The following SNX29 variants were observed in gnomAD, a reference collection of about 807,000 sequenced individuals.
SNX29 encodes sorting nexin 29.
A neutral mutation model predicts 102.1 loss-of-function variants in SNX29; 78 were observed. The ratio of observed to expected loss-of-function variants is 0.76; its 90% CI spans 0.64 to 0.92. The LOEUF (loss-of-function observed/expected upper bound fraction) is 0.92. SNX29 is among the 40% of genes least tolerant of loss of function. SNX29 has a pLI of 0.00. For missense variants in SNX29, 1,280 were observed against 1,061.7 expected (o/e 1.21, Z -2.86); for synonymous variants, 580 against 414.5 (o/e 1.40, Z -4.85).
intron 20 of SNX29, chr16:12,526,625 T>G (rs1167472007): frequency 1.9e-6 from 1 of 532,178 alleles, no homozygotes; most frequent in Non-Finnish European, 3.6e-6. Flanking sequence ...GGCATCCCCA[T>G]GGCCCAGGGT....
At chr16:12,271,173 A>G (rs1327361629) in intron 14 of SNX29, among the ~76,000 whole-genome samples, 2 of 152,258 alleles carry the variant, frequency 1.3e-5, no homozygotes, top group African/African-American at 2.4e-5. Context: ...AACATTTACA[A>G]TCTTTGTGTG....
intron 18 of SNX29, among the ~76,000 whole-genome samples, chr16:12,466,586 A>T (rs916124720): frequency 2.6e-5 from 4 of 152,058 alleles, no homozygotes; most frequent in Admixed American, 2.0e-4. Context: ...AGGGGCCTTC[A>T]TGCCTTGCTT....
chr16:12,506,159 C>T (rs2089368725), intron 19 of SNX29, among the ~76,000 whole-genome samples: 1 of 152,188 alleles, frequency 6.6e-6, no homozygotes, highest in Admixed American at 6.5e-5. Context: ...CGGAGTTTCA[C>T]CATGTTGACC....
At chr16:12,219,044 G>A (rs1374300970) in intron 14 of SNX29, among the ~76,000 whole-genome samples, 1 of 152,170 alleles carries the variant, frequency 6.6e-6, no homozygotes, top group Non-Finnish European at 1.5e-5. Flanking sequence ...AAAGTGCTGG[G>A]ATTACAGGTG....
intron 15 of SNX29, among the ~76,000 whole-genome samples, chr16:12,304,804 A>G (rs1269253379): frequency 6.6e-6 from 1 of 152,266 alleles, no homozygotes; most frequent in East Asian, 1.9e-4. Flanking sequence ...AAGAGAGGAT[A>G]TGAACTATAA....
Position 12,356,281 on chromosome 16 carries a change from T to C in SNX29, c.1899+2T>C, listed in dbSNP as rs1301896855. On this transcript the variant is annotated splice_donor_variant, in intron 16 of 20. Transcript: ENST00000566228. LOFTEE classifies it high-confidence loss of function. ...GAGCTCATCGATCTCCGGGGACCGG[T>C]GAGTGTTTCCCCAACCCTGTGTGTC... is the stretch of plus-strand genomic sequence containing the variant. 8.8e-6 allele frequency: 14 copies of C among 1,594,132 alleles called. No individual in the cohort carries two copies. Among genetic ancestry groups the C allele is most frequent in the Non-Finnish European group, 1.0e-5 (12 of 1,170,944 alleles).
intron 11 of SNX29, among the ~76,000 whole-genome samples, chr16:12,115,086 T>C (rs1174570356): frequency 2.0e-5 from 3 of 152,160 alleles, no homozygotes; most frequent in African/African-American, 7.2e-5. Flanking sequence ...CTGGTTCCTT[T>C]AGTACAGTCA....
At chr16:12,311,281 C>G (rs1458443944) in intron 15 of SNX29, among the ~76,000 whole-genome samples, 1 of 152,134 alleles carries the variant, frequency 6.6e-6, no homozygotes, top group Non-Finnish European at 1.5e-5. Flanking sequence ...GAGTAGAGAT[C>G]TTTCCTACCA....
intron 18 of SNX29, among the ~76,000 whole-genome samples, chr16:12,432,804 G>T (rs2085367339): frequency 6.6e-6 from 1 of 152,266 alleles, no homozygotes; most frequent in African/African-American, 2.4e-5. Context: ...ACAGAATGAA[G>T]TGTAGGGGTG....
chr16:12,519,348 A>G (rs533797905), intron 19 of SNX29, among the ~76,000 whole-genome samples: 2 of 152,228 alleles, frequency 1.3e-5, no homozygotes, highest in Non-Finnish European at 2.9e-5. Context: ...AACCTATTAA[A>G]GAATGGATAA....
intron 20 of SNX29, among the ~76,000 whole-genome samples, chr16:12,548,405 C>T (rs1375912629): frequency 6.6e-6 from 1 of 152,016 alleles, no homozygotes; most frequent in Non-Finnish European, 1.5e-5. Context: ...TCCTTTGTAA[C>T]CTACCTCTGG....
At chr16:12,563,353 C>T (rs1008351095) in intron 20 of SNX29, among the ~76,000 whole-genome samples, 20 of 152,270 alleles carry the variant, frequency 1.3e-4, no homozygotes, top group African/African-American at 4.3e-4. Context: ...TTATCCTGAG[C>T]CTGTCTTTTA....
At chr16:12,504,596 C>G (rs1461253630) in intron 19 of SNX29, among the ~76,000 whole-genome samples, 1 of 152,204 alleles carries the variant, frequency 6.6e-6, no homozygotes, top group Non-Finnish European at 1.5e-5. Flanking sequence ...CAAGGTTTTA[C>G]TTTCTGCAGT....
chr16:12,031,765 A>G (rs1224587409), intron 4 of SNX29, among the ~76,000 whole-genome samples: 1 of 152,108 alleles, frequency 6.6e-6, no homozygotes, highest in Admixed American at 6.6e-5. Flanking sequence ...AGATCGCGCC[A>G]CTGCACTCCA....
Position 12,061,567 on chromosome 16 carries a change from C to G in SNX29, c.1164C>G (p.Ser388Arg), listed in dbSNP as rs2050776297. 3 of 1,610,490 alleles carry G rather than the reference C, an allele frequency of 1.9e-6. No homozygotes were observed. Among genetic ancestry groups the G allele is most frequent in the African/African-American group, 2.7e-5 (2 of 74,876 alleles). The part of the protein sequence containing the change: ...EGNTCLSQMH[S>R]WAPLKVLHND... ...ACACCTGCCTCTCCCAGATGCACAGCTGGGCTCCGCTGAAGGTGCTGCACA... is the reference window on the plus strand; with the variant it reads ...ACACCTGCCTCTCCCAGATGCACAGGTGGGCTCCGCTGAAGGTGCTGCACA... Residue 388 changes from serine to arginine, a missense_variant, in exon 9 of 21, where the codon AGC (serine) becomes AGG (arginine). Physicochemically the swap from Ser to Arg is moderately radical, Grantham distance 110. Coordinates refer to ENST00000566228, the MANE Select transcript of SNX29 (RefSeq NM_032167.5).
intron 15 of SNX29, among the ~76,000 whole-genome samples, chr16:12,299,347 T>C (rs2080086018): frequency 1.3e-5 from 2 of 152,224 alleles, no homozygotes; most frequent in Non-Finnish European, 2.9e-5. Flanking sequence ...TTTGATGTTT[T>C]CCAGTTCATC....
intron 16 of SNX29, among the ~76,000 whole-genome samples, chr16:12,388,101 C>A (rs181476745): frequency 6.6e-6 from 1 of 152,178 alleles, no homozygotes. Flanking sequence ...TTCGAGGCAC[C>A]GCCTTTTGCA....
intron 4 of SNX29, among the ~76,000 whole-genome samples, chr16:12,036,334 CTTTTTT>C (rs1217078180): frequency 1.3e-5 from 1 of 78,500 alleles, no homozygotes; most frequent in Admixed American, 1.5e-4. Context: ...TTCTTTCTTT[CTTTTTT>C]TTTTTTTTTT....
intron 11 of SNX29, among the ~76,000 whole-genome samples, chr16:12,103,012 C>T (rs1168982213): frequency 6.6e-6 from 1 of 152,196 alleles, no homozygotes; most frequent in South Asian, 2.1e-4. Flanking sequence ...TGAAGGACCT[C>T]TTCAAGGAGA....
Sources: gnomAD v4.1 joint callset for allele counts (sites outside exome capture counted in the v4.1 genomes callset) on GRCh38, gnomAD v4.1.1 for gene constraint, MANE v1.5 for transcripts, NCBI Gene and HGNC (gene_info 2026-07-23, HGNC 2026-07-21) for gene names.